Variants in WDR27 observed in about 807,000 individuals in gnomAD.
The protein encoded by WDR27 is WD repeat domain 27.
In WDR27, 100 loss-of-function variants were observed where a neutral mutation model predicts 114.4. The ratio of observed to expected loss-of-function variants is 0.87; its 90% CI spans 0.74 to 1.03. WDR27 has a LOEUF of 1.03. Among genes scored for constraint, WDR27 ranks in the 50% least tolerant of loss-of-function variants. The pLI is 0.00. For synonymous variants in WDR27, 449 were observed against 423.1 expected, an observed-to-expected ratio of 1.06 and a Z score of -0.75; for missense variants, 1,129 against 1,092.9, an observed-to-expected ratio of 1.03 and a Z score of -0.47.
chr6:169,449,760 G>A, the WDR27 span, among the ~76,000 whole-genome samples: 1 of 152,178 alleles, frequency 6.6e-6, no homozygotes, highest in Non-Finnish European at 1.5e-5. Context: ...TGAGCATCCC[G>A]ACCTAGGAAG....
At chr6:169,641,079 C>A (rs1036501646) in intron 17 of WDR27, among the ~76,000 whole-genome samples, 1 of 152,238 alleles carries the variant, frequency 6.6e-6, no homozygotes, top group Non-Finnish European at 1.5e-5. Context: ...CCAGCAGAGG[C>A]ACCGGCAATG....
Position 169,659,028 on chromosome 6 carries a change from T to C in WDR27, c.1319+58A>G, listed in dbSNP as rs2128260475. On this transcript the variant is annotated intron_variant, in intron 12 of 25. Transcript: ENST00000448612. This position sits in a 1 kb window ranked among gnomAD's most constrained non-coding sequence, Gnocchi z 4.3. ...TAATCTTTATTTCTGAACATAGAAA[T>C]CCAGATGGCACTTATTGGTGAACAC... is the stretch of plus-strand genomic sequence containing the variant. 1.4e-6 allele frequency: 2 copies of C among 1,474,780 alleles called. No homozygotes were observed. The highest frequency in any genetic ancestry group is 4.9e-5 in the East Asian group (2 of 41,164). 91.4% of individuals were successfully genotyped at this position (1,474,780 alleles called of 1,614,324 possible).
intron 21 of WDR27, among the ~76,000 whole-genome samples, chr6:169,626,216 G>A (rs1389557892): frequency 2.6e-5 from 4 of 152,184 alleles, no homozygotes; most frequent in Non-Finnish European, 5.9e-5. Context: ...GGCCATAGGT[G>A]GGACAGAAGA....
chr6:169,514,484 A>G (rs891500330), intron 25 of WDR27, among the ~76,000 whole-genome samples: 14 of 147,864 alleles, frequency 9.5e-5, no homozygotes, highest in Admixed American at 4.7e-4. Flanking sequence ...ATACAAATAT[A>G]TATGTATATA....
chr6:169,587,477 C>T, intron 23 of WDR27, among the ~76,000 whole-genome samples: 1 of 152,144 alleles, frequency 6.6e-6, no homozygotes, highest in Non-Finnish European at 1.5e-5. Flanking sequence ...CCTTGGCCTC[C>T]CAAAGTGCTG....
chr6:169,500,864 G>A (rs527992339), intron 25 of WDR27, among the ~76,000 whole-genome samples: 33 of 152,304 alleles, frequency 2.2e-4, no homozygotes, highest in African/African-American at 7.0e-4. Context: ...CGCGAGCTGC[G>A]CTAGCCCAGG....
chr6:169,489,848 G>C (rs1163019624), intron 25 of WDR27, among the ~76,000 whole-genome samples: 2 of 152,188 alleles, frequency 1.3e-5, no homozygotes, highest in Admixed American at 1.3e-4. Context: ...TATTTCCACT[G>C]TGTTTAAAGT....
intron 24 of WDR27, among the ~76,000 whole-genome samples, chr6:169,576,279 G>T (rs1171926890): frequency 6.6e-6 from 1 of 152,228 alleles, no homozygotes; most frequent in African/African-American, 2.4e-5. Flanking sequence ...TGGGATGGTG[G>T]CCAGCCTCCA....
chr6:169,556,654 A>G (rs532607301), intron 25 of WDR27, among the ~76,000 whole-genome samples: 92 of 152,324 alleles, frequency 6.0e-4, no homozygotes, highest in African/African-American at 2.0e-3. Flanking sequence ...CTGTTCATTA[A>G]AGGATGCCAT....
chr6:169,603,162 T>G (rs1808388431), intron 22 of WDR27, among the ~76,000 whole-genome samples: 1 of 151,690 alleles, frequency 6.6e-6, no homozygotes, highest in African/African-American at 2.4e-5. Context: ...TTTTTTTTTT[T>G]TTTTTGAGAC....
At chr6:169,633,486 C>T (rs906987552) in intron 20 of WDR27, among the ~76,000 whole-genome samples, 2 of 152,206 alleles carry the variant, frequency 1.3e-5, no homozygotes, top group African/African-American at 4.8e-5. Flanking sequence ...GCACCTGGGG[C>T]AGGCTTCACG....
chr6:169,529,140 T>C (rs1202658829), intron 25 of WDR27, among the ~76,000 whole-genome samples: 2 of 152,174 alleles, frequency 1.3e-5, no homozygotes, highest in African/African-American at 2.4e-5. Flanking sequence ...AAGAATTATA[T>C]GCAACCATCA....
chr6:169,688,879 A>AGTCCTGC lies in WDR27; in HGVS notation c.120_126dup (p.Cys43AlafsTer11). On this transcript the variant is annotated frameshift_variant, in exon 2 of 26. Coordinates refer to ENST00000448612, the MANE Select transcript of WDR27 (RefSeq NM_182552.5). LOFTEE classifies it high-confidence loss of function. ...TCAGTTCCATCCAAAGGGAAAGCAC[A>AGTCCTGC]GTCCTGCATGCTGCAAGCAAGCTGA... The AGTCCTGC allele has an allele frequency of 6.2e-7, 1 of 1,613,608 alleles. No homozygotes were observed. Among genetic ancestry groups the AGTCCTGC allele is most frequent in the Non-Finnish European group, 8.5e-7 (1 of 1,179,756 alleles).
At chr6:169,508,597 GA>G (rs1666337986) in intron 25 of WDR27, among the ~76,000 whole-genome samples, 1 of 152,114 alleles carries the variant, frequency 6.6e-6, no homozygotes, top group South Asian at 2.1e-4. Context: ...TTGCACACAA[GA>G]ATATTCTGAA....
At chr6:169,502,607 G>C (rs1013425415) in intron 25 of WDR27, among the ~76,000 whole-genome samples, 1 of 152,062 alleles carries the variant, frequency 6.6e-6, no homozygotes, top group Middle Eastern at 3.2e-3. Context: ...ACCCCGATCC[G>C]GGGCTGTGGC....
chr6:169,576,843 G>A (rs1562615010), intron 24 of WDR27, among the ~76,000 whole-genome samples: 1 of 151,772 alleles, frequency 6.6e-6, no homozygotes, highest in Admixed American at 6.6e-5. Context: ...TGGAACTCAC[G>A]GATCTTTCAA....
Position 169,606,691 on chromosome 6 carries a change from G to A in WDR27, c.2322-4370C>T, listed in dbSNP as rs567972611. Reference sequence around the variant, plus strand: ...GTATTCCATGGTGTATATGTACCACGTTTTCTTTATCCAGTCTATCACTGA... The same window carrying A: ...GTATTCCATGGTGTATATGTACCACATTTTCTTTATCCAGTCTATCACTGA... On this transcript the variant is annotated intron_variant, in intron 22 of 25. Transcript: ENST00000448612. Among the ~76,000 whole-genome samples the A allele has an allele frequency of 1.2e-4, 19 of 152,096 alleles. No individual in the cohort carries two copies. The South Asian group carries it at 2.3e-3, about 18-fold the overall frequency.
chr6:169,645,795 GTAGAAAAGCCTAGTTCACAGGAGTCACA>G (rs1820578628), intron 16 of WDR27, among the ~76,000 whole-genome samples: 1 of 150,996 alleles, frequency 6.6e-6, no homozygotes, highest in Admixed American at 6.6e-5. Flanking sequence ...AAGTCACACT[GTAGAAAAGCCTAGTTCACAGGAGTCACA>G]CTGTAGAAAA....
intron 25 of WDR27, among the ~76,000 whole-genome samples, chr6:169,483,575 G>A (rs1004358021): frequency 4.6e-5 from 7 of 152,058 alleles, no homozygotes; most frequent in South Asian, 2.1e-4. Flanking sequence ...TGTACCAGAC[G>A]TATAAAGAAG....
Sources: gnomAD v4.1 joint callset for allele counts (sites outside exome capture counted in the v4.1 genomes callset) on GRCh38, gnomAD v4.1.1 for gene constraint, Gnocchi (gnomAD v3.1) non-coding constraint, MANE v1.5 for transcripts, NCBI Gene and HGNC (gene_info 2026-07-23, HGNC 2026-07-21) for gene names.